Variants in LRP6 observed in about 807,000 individuals in gnomAD.
LRP6 encodes LDL receptor related protein 6.
A neutral mutation model predicts 184.1 loss-of-function variants in LRP6; 43 were observed. The observed-to-expected ratio is 0.23, with a 90% CI of 0.18 to 0.30. The LOEUF (loss-of-function observed/expected upper bound fraction) is 0.30. Among genes scored for constraint, LRP6 ranks in the 10% least tolerant of loss-of-function variants. The probability of loss-of-function intolerance (pLI) is 1.00; values close to 1 mark genes in which losing one functional copy is unlikely to be tolerated. For missense variants in LRP6, 1,571 were observed against 2,005.3 expected (o/e 0.78, Z 4.14); for synonymous variants, 719 against 684.9 (o/e 1.05, Z -0.78).
intron 2 of LRP6, among the ~76,000 whole-genome samples, chr12:12,216,101 T>C (rs988081850): frequency 2.6e-5 from 4 of 152,216 alleles, no homozygotes; most frequent in Non-Finnish European, 4.4e-5. Context: ...AAAGCGGTTA[T>C]GGTCTTCTAT....
intron 2 of LRP6, among the ~76,000 whole-genome samples, chr12:12,206,542 CAAAAAAAA>C (rs60179716): frequency 8.6e-6 from 1 of 116,868 alleles, no homozygotes; most frequent in African/African-American, 3.2e-5. Context: ...GACTCCATCT[CAAAAAAAA>C]AAAAAAAAAA....
At chr12:12,142,706 A>T (rs889219586) in intron 15 of LRP6, among the ~76,000 whole-genome samples, 6 of 151,816 alleles carry the variant, frequency 4.0e-5, no homozygotes, top group Admixed American at 2.0e-4. Context: ...AGCGTAGATT[A>T]AAAAAAATCT....
intron 3 of LRP6, among the ~76,000 whole-genome samples, chr12:12,196,205 T>A (rs1287661597): frequency 6.7e-6 from 1 of 148,956 alleles, no homozygotes; most frequent in Admixed American, 6.7e-5. Flanking sequence ...ATTTTAGGAT[T>A]TTTTTTTTTT....
At chr12:12,171,608 A>T (rs1420970409) in intron 7 of LRP6, among the ~76,000 whole-genome samples, 4 of 152,184 alleles carry the variant, frequency 2.6e-5, no homozygotes, top group African/African-American at 9.6e-5. Flanking sequence ...TATAGAAAGG[A>T]ATTATAAGGA....
rs188148581 is a variant in LRP6 at position 12,129,167 on chromosome 12, G to A, written c.4081+1616C>T. On this transcript the variant is annotated intron_variant, in intron 19 of 22. Transcript: ENST00000261349. ...CACATCTCTGTATTCCTCTTGATGC[G>A]ATCAGAAGTTTGAAAGCAATCAATC... Among the ~76,000 whole-genome samples the A allele has an allele frequency of 3.3e-5, 5 of 152,234 alleles. No individual in the cohort carries two copies. The East Asian group carries it at 9.6e-4, about 29-fold the overall frequency.
In LRP6 at chr12:12,266,687, G is replaced by A. The variant is rs1865776065; in HGVS notation, c.49C>T (p.Leu17=). Residue 17 remains leucine (L), a synonymous_variant, in exon 1 of 23, where the codon CTG becomes TTG. Transcript: ENST00000261349. ...GTGCCCCCACTCTTCCCACCTCTCA[G>A]GAGCACACAGAAGCTGCAGGCCAGG... is the stretch of plus-strand genomic sequence containing the variant. The part of the protein sequence containing the change: ...SLLACSFCVL[L]RAAPLLLYAN... 6.2e-7 allele frequency: 1 copy of A among 1,613,080 alleles called. No homozygotes were observed. Among genetic ancestry groups the A allele is most frequent in the Admixed American group, 1.7e-5 (1 of 59,928 alleles).
At chr12:12,261,865 T>C (rs1187215521) in intron 1 of LRP6, among the ~76,000 whole-genome samples, 1 of 152,128 alleles carries the variant, frequency 6.6e-6, no homozygotes, top group African/African-American at 2.4e-5. Flanking sequence ...TGCAAAACAT[T>C]AGTGGTTTGT....
intron 2 of LRP6, among the ~76,000 whole-genome samples, chr12:12,236,051 C>G (rs917410562): frequency 2.0e-5 from 3 of 151,974 alleles, no homozygotes; most frequent in Non-Finnish European, 4.4e-5. Context: ...GGTGTGAAAC[C>G]CCGTCTCTAC....
intron 1 of LRP6, among the ~76,000 whole-genome samples, chr12:12,257,633 A>G (rs563526797): frequency 8.2e-4 from 123 of 150,410 alleles, no homozygotes; most frequent in African/African-American, 2.4e-3. Flanking sequence ...TGAAAAAAAA[A>G]AAAGAAAGAA....
Position 12,171,133 on chromosome 12 carries a change from C to A in LRP6, c.1546-5838G>T, listed in dbSNP as rs1310306834. Among the ~76,000 whole-genome samples the A allele has an allele frequency of 5.3e-5, 8 of 152,240 alleles. No individual in the cohort carries two copies. In the South Asian group the frequency reaches 1.7e-3, roughly 32 times the overall value. On this transcript the variant is annotated intron_variant, in intron 7 of 22. Coordinates refer to ENST00000261349, the MANE Select transcript of LRP6 (RefSeq NM_002336.3). ...CTGCTTTCTATACTCTGACATTTTC[C>A]ATAATTTTTAAAAAATGAAGAGAAA...
chr12:12,216,119 C>A (rs1462970771), intron 2 of LRP6, among the ~76,000 whole-genome samples: 1 of 152,168 alleles, frequency 6.6e-6, no homozygotes, highest in Non-Finnish European at 1.5e-5. Flanking sequence ...TATACCTCTC[C>A]TCTGGTCCTA....
intron 2 of LRP6, among the ~76,000 whole-genome samples, chr12:12,217,257 T>C (rs1037160797): frequency 3.3e-5 from 5 of 152,122 alleles, no homozygotes; most frequent in Non-Finnish European, 7.3e-5. Flanking sequence ...AACCCTATTG[T>C]GAACTGCGCA....
At chr12:12,202,888 G>T (rs1161379126) in intron 3 of LRP6, among the ~76,000 whole-genome samples, 1 of 152,098 alleles carries the variant, frequency 6.6e-6, no homozygotes, top group Non-Finnish European at 1.5e-5. Context: ...CAGTCCTTGG[G>T]TTAAACAAAA....
chr12:12,156,621 A>G (rs1478627045), intron 12 of LRP6, among the ~76,000 whole-genome samples: 1 of 152,172 alleles, frequency 6.6e-6, no homozygotes, highest in Admixed American at 6.5e-5. Context: ...TCTGCATTTC[A>G]CCATTACTTC....
chr12:12,183,071 C>G (rs1863381077), intron 5 of LRP6, among the ~76,000 whole-genome samples: 2 of 152,208 alleles, frequency 1.3e-5, no homozygotes, highest in Non-Finnish European at 2.9e-5. Context: ...AGTCAGCCAG[C>G]TTCACCTTTT....
intron 2 of LRP6, among the ~76,000 whole-genome samples, chr12:12,210,229 T>C (rs148361102): frequency 5.3e-4 from 81 of 152,154 alleles, no homozygotes; most frequent in African/African-American, 1.8e-3. Context: ...TAAGAACTAA[T>C]GAAGGCAACA....
rs1279451914 is a variant in LRP6, at chr12:12,118,357, GCACA to G, written c.*2765_*2768del. The G allele has an allele frequency of 6.6e-6, 1 of 152,166 alleles. No homozygotes were observed. The highest frequency in any genetic ancestry group is 2.4e-5 in the African/African-American group (1 of 41,448). 9.4% of individuals were successfully genotyped at this position (152,166 alleles called of 1,614,324 possible). A position where few individuals can be genotyped will look rare whatever the true frequency, so the allele number is the denominator to read the frequency against. The stretch of plus-strand genomic sequence containing the variant: ...TCAATGCAGAATAGCTTACTGTGGT[GCACA>G]CAAAGTATGTTATGCTCAAGTTTAT... On this transcript the variant is annotated 3_prime_UTR_variant, in exon 23 of 23. Transcript: ENST00000261349.
chr12:12,234,601 G>T (rs1864884616), intron 2 of LRP6, among the ~76,000 whole-genome samples: 1 of 152,142 alleles, frequency 6.6e-6, no homozygotes. Flanking sequence ...GAGAGGCTGA[G>T]GTGGGTGAAT....
At chr12:12,248,908 A>C (rs1444550473) in intron 1 of LRP6, 1 of 365,522 alleles carries the variant, frequency 2.7e-6, no homozygotes, top group Admixed American at 4.1e-5. Context: ...TCCACTTCCT[A>C]TATATAGGTA....
Sources: gnomAD v4.1 joint callset for allele counts (sites outside exome capture counted in the v4.1 genomes callset) on GRCh38, gnomAD v4.1.1 for gene constraint, MANE v1.5 for transcripts, NCBI Gene and HGNC (gene_info 2026-07-23, HGNC 2026-07-21) for gene names.